Variants in SARAF observed in about 807,000 individuals in gnomAD.
SARAF encodes store-operated calcium entry associated regulatory factor, also known as store-operated calcium entry-associated regulatory factor.
In SARAF, 23 loss-of-function variants were observed where a neutral mutation model predicts 39.7. That is an observed-to-expected ratio of 0.58 (90% CI 0.42 to 0.82). The LOEUF is 0.82. Among genes scored for constraint, SARAF ranks in the 40% least tolerant of loss-of-function variants. The pLI, the probability that SARAF is intolerant of heterozygous loss-of-function variation, is 0.00. For missense variants in SARAF, 384 were observed against 418.5 expected (o/e 0.92, Z 0.72); for synonymous variants, 175 against 168.5 (o/e 1.04, Z -0.30).
At chr8:30,065,414 A>T (rs1440625671) in intron 5 of SARAF, among the ~76,000 whole-genome samples, 1 of 152,140 alleles carries the variant, frequency 6.6e-6, no homozygotes, top group Non-Finnish European at 1.5e-5. Flanking sequence ...TTTTTCTATC[A>T]ATTTCAAGAA....
Position 30,068,221 on chromosome 8 carries a change from C to T in SARAF, c.701-1303G>A, listed in dbSNP as rs550632810. Among the ~76,000 whole-genome samples the T allele has an allele frequency of 1.3e-5, 2 of 152,298 alleles. 1 individual carries two copies. The highest frequency in any genetic ancestry group is 4.2e-4 in the South Asian group (2 of 4,816). ...ACTGAAGCTTCATCTCTATTTAAAG[C>T]CACTCCCCCATCACTTGCATTACTA... On this transcript the variant is annotated intron_variant, in intron 3 of 5. Coordinates refer to ENST00000256255, the MANE Select transcript of SARAF (RefSeq NM_016127.6).
At chr8:30,065,955 T>C (rs373300096) in intron 5 of SARAF, 33 bp downstream of exon 5, 3 of 1,612,956 alleles carry the variant, frequency 1.9e-6, no homozygotes, top group Non-Finnish European at 2.5e-6. Flanking sequence ...ACTTTACTCC[T>C]AGGTAAAAGG....
intron 1 of SARAF, among the ~76,000 whole-genome samples, chr8:30,077,165 C>T (rs560478557): frequency 6.6e-6 from 1 of 152,260 alleles, no homozygotes; most frequent in South Asian, 2.1e-4. Flanking sequence ...AGATTAAAAA[C>T]AACAGAACTG....
At chr8:30,074,138 T>G in intron 1 of SARAF, 83 bp from the exon 2 acceptor site, 1 of 1,458,526 alleles carries the variant, frequency 6.9e-7, no homozygotes, top group African/African-American at 1.4e-5. Context: ...ACTCTCGTCA[T>G]AGGAAATGCC....
intron 1 of SARAF, among the ~76,000 whole-genome samples, chr8:30,077,133 G>A (rs1165627633): frequency 2.0e-5 from 3 of 152,164 alleles, no homozygotes; most frequent in Non-Finnish European, 4.4e-5. Context: ...AGAGCTTTTG[G>A]AAATTAAAAA....
intron 1 of SARAF, among the ~76,000 whole-genome samples, chr8:30,080,894 C>A (rs919378984): frequency 3.3e-5 from 5 of 152,206 alleles, no homozygotes; most frequent in African/African-American, 1.2e-4. Flanking sequence ...AATCCCAGCA[C>A]TTTGGGAGGC....
At chr8:30,073,706 A>T in intron 2 of SARAF, 171 bp downstream of exon 2, 1 of 529,702 alleles carries the variant, frequency 1.9e-6, no homozygotes, top group Non-Finnish European at 3.3e-6. Context: ...AAATCAGTTC[A>T]TTTCTTTTGG....
intron 3 of SARAF, among the ~76,000 whole-genome samples, chr8:30,068,746 T>C (rs1427904103): frequency 1.3e-5 from 2 of 152,216 alleles, no homozygotes; most frequent in African/African-American, 2.4e-5. Flanking sequence ...CATTTTATGT[T>C]CTACCGGAAA....
intron 1 of SARAF, among the ~76,000 whole-genome samples, chr8:30,080,833 T>A (rs917261620): frequency 2.0e-5 from 3 of 152,210 alleles, no homozygotes; most frequent in African/African-American, 7.2e-5. Flanking sequence ...CAATAAAGTA[T>A]CTTCATTTAA....
intron 4 of SARAF, among the ~76,000 whole-genome samples, chr8:30,066,522 T>C (rs1457480639): frequency 2.6e-5 from 4 of 152,178 alleles, no homozygotes; most frequent in African/African-American, 4.8e-5. Flanking sequence ...TTTTCTCAGA[T>C]GTCAACTAAA....
chr8:30,083,131 C>A, upstream of SARAF: 1 of 515,544 alleles, frequency 1.9e-6, no homozygotes, highest in Non-Finnish European at 3.4e-6. Context: ...CGCTGCGGCC[C>A]GTGGGGCTCA....
chr8:30,067,084 G>A, intron 3 of SARAF, 166 bp from the exon 4 acceptor site: 1 of 717,404 alleles, frequency 1.4e-6, no homozygotes, highest in Non-Finnish European at 2.2e-6. Flanking sequence ...TAAAATACTG[G>A]TTTATAATGA....
rs1268226910 is a variant in SARAF at position 30,069,767 on chromosome 8, A to G, written c.575T>C (p.Leu192Pro). The G allele has an allele frequency of 6.2e-7, 1 of 1,614,056 alleles. No homozygotes were observed. Among genetic ancestry groups the G allele is most frequent in the Non-Finnish European group, 8.5e-7 (1 of 1,180,016 alleles). ...AGAATACTGCCCGTCACTCAGGAAC[A>G]GCTTATAGACTACAAACGCGATCCC... ...LLGIAFVVYK[L>P]FLSDGQYSPP... The change falls in exon 3 of 6, where the codon CTG becomes CCG. Residue 192 changes from leucine (L) to proline (P), a missense_variant. By Grantham distance (98) the Leu-to-Pro change is moderately conservative (BLOSUM62 -3). Transcript: ENST00000256255.
At chr8:30,078,222 C>T (rs1802018981) in intron 1 of SARAF, 1 of 441,368 alleles carries the variant, frequency 2.3e-6, no homozygotes, top group Non-Finnish European at 4.5e-6. Context: ...CAGTTCAGGA[C>T]CAGTTCAGAA....
intron 1 of SARAF, among the ~76,000 whole-genome samples, chr8:30,081,617 A>T (rs1802098684): frequency 6.6e-6 from 1 of 152,274 alleles, no homozygotes; most frequent in Admixed American, 6.5e-5. Context: ...GCTATTATAG[A>T]AATAAACCTG....
chr8:30,073,404 C>T (rs1278708900), intron 2 of SARAF, among the ~76,000 whole-genome samples: 2 of 152,158 alleles, frequency 1.3e-5, no homozygotes, highest in African/African-American at 2.4e-5. Flanking sequence ...TGAAACCTGC[C>T]GAAATGCTTC....
Position 30,063,666 on chromosome 8 carries a change from T to C in SARAF, c.*222A>G. ...ATGATCACTTTCAAAAACTGCAATA[T>C]ACATCTGCATGTTACACTGACATAC... is the stretch of plus-strand genomic sequence containing the variant. On this transcript the variant is annotated 3_prime_UTR_variant, in exon 6 of 6. Coordinates refer to ENST00000256255, the MANE Select transcript of SARAF (RefSeq NM_016127.6). 1 of 567,442 alleles carries C rather than the reference T, an allele frequency of 1.8e-6. No homozygotes were observed. The highest frequency in any genetic ancestry group is 3.1e-6 in the Non-Finnish European group (1 of 320,896). 35.2% of individuals were successfully genotyped at this position (567,442 alleles called of 1,614,324 possible).
chr8:30,081,589 T>C (rs1329003139), intron 1 of SARAF, among the ~76,000 whole-genome samples: 2 of 152,232 alleles, frequency 1.3e-5, no homozygotes, highest in Admixed American at 1.3e-4. Context: ...TCTCTCTCAT[T>C]TCAGCATGTA....
At chr8:30,068,918 T>C (rs900247414) in intron 3 of SARAF, among the ~76,000 whole-genome samples, 2 of 152,280 alleles carry the variant, frequency 1.3e-5, no homozygotes, top group Admixed American at 6.5e-5. Context: ...GTACTTTTTA[T>C]GTTCTGTTTA....
Sources: allele counts gnomAD v4.1 joint callset (sites outside exome capture counted in the v4.1 genomes callset), GRCh38; gene constraint gnomAD v4.1.1; transcripts MANE v1.5; gene names NCBI Gene and HGNC (gene_info 2026-07-23, HGNC 2026-07-21).